COL5A2: variants seen among roughly 807,000 people sequenced by gnomAD.
The protein encoded by COL5A2 is collagen alpha-2(V) chain.
In COL5A2, 23 loss-of-function variants were observed where a neutral mutation model predicts 208.2. The ratio of observed to expected loss-of-function variants is 0.11; its 90% CI spans 0.08 to 0.16. COL5A2 has a LOEUF of 0.16. COL5A2 is among the 10% of genes least tolerant of loss of function. The pLI is 1.00. For synonymous variants in COL5A2, 625 were observed against 628.5 expected, an observed-to-expected ratio of 0.99 and a Z score of 0.08; for missense variants, 1,590 against 1,956.4, an observed-to-expected ratio of 0.81 and a Z score of 3.53.
chr2:189,098,662 C>T (rs1446909592), intron 5 of COL5A2, 65 bp downstream of exon 5: 1 of 1,184,960 alleles, frequency 8.4e-7, no homozygotes, highest in Non-Finnish European at 1.3e-6. Context: ...GATATAATAT[C>T]TGTAAAGATT....
At chr2:189,325,916 G>A in the COL5A2 span, among the ~76,000 whole-genome samples, 3 of 152,050 alleles carry the variant, frequency 2.0e-5, no homozygotes, top group Non-Finnish European at 2.9e-5. Context: ...GGTCAACATG[G>A]TGAAACCCCA....
At chr2:189,108,533 G>A (rs1687196083) in intron 2 of COL5A2, among the ~76,000 whole-genome samples, 1 of 151,736 alleles carries the variant, frequency 6.6e-6, no homozygotes, top group South Asian at 2.1e-4. Context: ...TTCTAAAGAA[G>A]TATTTATTTA....
chr2:189,198,799 C>T (rs1689037746), intron 1 of COL5A2, among the ~76,000 whole-genome samples: 1 of 152,102 alleles, frequency 6.6e-6, no homozygotes, highest in South Asian at 2.1e-4. Flanking sequence ...TGATGGTCAA[C>T]ATCAAGCCAC....
the COL5A2 span, among the ~76,000 whole-genome samples, chr2:189,344,530 A>G: frequency 6.6e-6 from 1 of 152,130 alleles, no homozygotes; most frequent in African/African-American, 2.4e-5. Flanking sequence ...TAAACAAACA[A>G]TCACCAAAGC....
chr2:189,311,858 A>G, the COL5A2 span: 14 of 1,297,140 alleles, frequency 1.1e-5, no homozygotes, highest in Admixed American at 3.4e-5. Flanking sequence ...AGAGCTGGCA[A>G]TCTGGGCTTG....
chr2:189,124,499 A>C (rs1687571173), intron 1 of COL5A2, among the ~76,000 whole-genome samples: 1 of 152,172 alleles, frequency 6.6e-6, no homozygotes, highest in African/African-American at 2.4e-5. Flanking sequence ...CATTATATAA[A>C]CATGACTCCG....
At chr2:189,375,507 G>T in the COL5A2 span, among the ~76,000 whole-genome samples, 3 of 152,264 alleles carry the variant, frequency 2.0e-5, no homozygotes, top group African/African-American at 7.2e-5. Context: ...GTAATATGAT[G>T]ACAGTGTTTT....
the COL5A2 span, among the ~76,000 whole-genome samples, chr2:189,243,743 C>T: frequency 6.6e-6 from 1 of 152,186 alleles, no homozygotes; most frequent in Non-Finnish European, 1.5e-5. Context: ...CAAAAGTCCA[C>T]AGTCGAAAGT....
chr2:189,259,897 C>A, the COL5A2 span, among the ~76,000 whole-genome samples: 1 of 152,066 alleles, frequency 6.6e-6, no homozygotes, highest in African/African-American at 2.4e-5. Flanking sequence ...TATACAAGGG[C>A]CACAAGACCT....
chr2:189,288,536 C>T, the COL5A2 span, among the ~76,000 whole-genome samples: 1 of 152,068 alleles, frequency 6.6e-6, no homozygotes, highest in Admixed American at 6.5e-5. Context: ...GCAGAAAATC[C>T]AAACAGATGA....
At chr2:189,335,278 CACAATCA>C in the COL5A2 span, among the ~76,000 whole-genome samples, 4 of 151,924 alleles carry the variant, frequency 2.6e-5, no homozygotes, top group Non-Finnish European at 4.4e-5. Flanking sequence ...AATCACAAAC[CACAATCA>C]ACAGATTTTT....
At chr2:189,382,599 A>G in the COL5A2 span, among the ~76,000 whole-genome samples, 1 of 152,188 alleles carries the variant, frequency 6.6e-6, no homozygotes, top group African/African-American at 2.4e-5. Flanking sequence ...GCTGTTACGC[A>G]CGTCCATATA....
the COL5A2 span, among the ~76,000 whole-genome samples, chr2:189,396,671 TA>T: frequency 0.11 from 11,057 of 102,238 alleles, 875 homozygotes; most frequent in East Asian, 0.21. Flanking sequence ...AAGACTCCAT[TA>T]AAAAAAAAAA....
chr2:189,076,040 G>T (rs1164975041), intron 16 of COL5A2, among the ~76,000 whole-genome samples: 8 of 152,180 alleles, frequency 5.3e-5, no homozygotes, highest in African/African-American at 1.9e-4. Context: ...ACACAAGTCT[G>T]CAAGAGCCAT....
intron 51 of COL5A2, 74 bp downstream of exon 51, chr2:189,039,198 A>C (rs1685505517): frequency 6.5e-7 from 1 of 1,534,732 alleles, no homozygotes; most frequent in Non-Finnish European, 9.0e-7. Context: ...AGTCAGTAAC[A>C]TATTTTGGAA....
chr2:189,247,022 C>T, the COL5A2 span, among the ~76,000 whole-genome samples: 1 of 152,052 alleles, frequency 6.6e-6, no homozygotes, highest in Non-Finnish European at 1.5e-5. Context: ...AATAACTGTC[C>T]CTCTACTTCC....
At chr2:189,381,981 T>C in the COL5A2 span, among the ~76,000 whole-genome samples, 2 of 152,196 alleles carry the variant, frequency 1.3e-5, no homozygotes, top group Non-Finnish European at 2.9e-5. Flanking sequence ...GATTGTTTCT[T>C]AGAAAGCATG....
In COL5A2 at chr2:189,179,558, A is replaced by G. The variant is rs1412408364; in HGVS notation, c.47T>C (p.Val16Ala). 1.9e-6 allele frequency: 3 copies of G among 1,610,844 alleles called. No individual in the cohort carries two copies. In the African/African-American group the frequency reaches 4.0e-5, roughly 22 times the overall value. The change falls in exon 1 of 54, where the codon GTT becomes GCT. Residue 16 changes from valine (V) to alanine (A), a missense_variant. By Grantham distance (64) the Val-to-Ala change is moderately conservative. Transcript: ENST00000374866. ...TATTGAGACAAATTGCCCTAATAAAACAATAAGAATGAGGAGAGGTCTTGC... is the reference window on the plus strand; with the variant it reads ...TATTGAGACAAATTGCCCTAATAAAGCAATAAGAATGAGGAGAGGTCTTGC... ...AEARPLLILI[V>A]LLGQFVSIKA...
the COL5A2 span, among the ~76,000 whole-genome samples, chr2:189,362,282 C>A: frequency 6.6e-6 from 1 of 152,082 alleles, no homozygotes; most frequent in Non-Finnish European, 1.5e-5. Flanking sequence ...CATATAATGG[C>A]TTTATAAGGC....
Sources: allele counts gnomAD v4.1 joint callset (sites outside exome capture counted in the v4.1 genomes callset), GRCh38; gene constraint gnomAD v4.1.1; transcripts MANE v1.5; gene names NCBI Gene and HGNC (gene_info 2026-07-23, HGNC 2026-07-21).